The following RPS6KA5 variants were observed in gnomAD, a reference collection of about 807,000 sequenced individuals.
RPS6KA5 encodes ribosomal protein S6 kinase alpha-5.
A neutral mutation model predicts 85.5 loss-of-function variants in RPS6KA5; 27 were observed. The ratio of observed to expected loss-of-function variants is 0.32; its 90% confidence interval spans 0.23 to 0.44. RPS6KA5 has a LOEUF of 0.44. Among genes scored for constraint, RPS6KA5 ranks in the 20% least tolerant of loss-of-function variants. RPS6KA5 has a pLI of 1.00. For missense variants in RPS6KA5, 811 were observed against 980.9 expected, an observed-to-expected ratio of 0.83 and a Z score of 2.31; for synonymous variants, 334 against 348.2, an observed-to-expected ratio of 0.96 and a Z score of 0.46.
Position 91,040,948 on chromosome 14 carries a change from C to T in RPS6KA5, c.103+19384G>A, listed in dbSNP as rs141581237. On this transcript the variant is annotated intron_variant, in intron 1 of 16. Coordinates refer to ENST00000614987, the MANE Select transcript of RPS6KA5 (RefSeq NM_004755.4). ...TTGAGATGGAAGCTTGATCTTCCAG[C>T]AGATCCAGTGAATGGGGCATAAAGA... is the stretch of plus-strand genomic sequence containing the variant. Among the ~76,000 whole-genome samples, 194 of 152,280 alleles carry T rather than the reference C, an allele frequency of 1.3e-3. 1 individual carries two copies. Among genetic ancestry groups the T allele is most frequent in the Non-Finnish European group, 2.0e-3 (139 of 68,024 alleles).
chr14:90,862,930 AG>A lies in RPS6KA5; in HGVS notation c.*9143del, dbSNP rs1274817240. 1 of 152,098 alleles carries A rather than the reference AG, an allele frequency of 6.6e-6. No homozygotes were observed. The highest frequency in any genetic ancestry group is 2.4e-5 in the African/African-American group (1 of 41,352). 9.4% of individuals were successfully genotyped at this position (152,098 alleles called of 1,614,324 possible). A position where few individuals can be genotyped will look rare whatever the true frequency, so the allele number is the denominator to read the frequency against. On this transcript the variant is annotated 3_prime_UTR_variant, in exon 17 of 17. Coordinates refer to ENST00000614987, the MANE Select transcript of RPS6KA5 (RefSeq NM_004755.4). ...AATACAAGATTATCTCAACAGAGGC[AG>A]AAAAAGCATTTAGTAAAAACTCTCT...
At chr14:90,904,044 A>G (rs916913826) in intron 8 of RPS6KA5, among the ~76,000 whole-genome samples, 10 of 151,330 alleles carry the variant, frequency 6.6e-5, no homozygotes, top group African/African-American at 1.2e-4. Context: ...CCACCTCCTG[A>G]GTTCACGCCA....
intron 1 of RPS6KA5, among the ~76,000 whole-genome samples, chr14:91,043,320 C>G (rs1322251410): frequency 1.3e-5 from 2 of 152,138 alleles, no homozygotes; most frequent in African/African-American, 4.8e-5. Flanking sequence ...AACCTACTAC[C>G]TTGGCTTTAA....
intron 5 of RPS6KA5, among the ~76,000 whole-genome samples, chr14:90,930,556 A>T (rs1322654764): frequency 6.6e-6 from 1 of 152,200 alleles, no homozygotes; most frequent in African/African-American, 2.4e-5. Context: ...TATCAAATTT[A>T]AAAACTTCTG....
intron 2 of RPS6KA5, among the ~76,000 whole-genome samples, chr14:90,996,773 T>C (rs1595434555): frequency 2.0e-5 from 3 of 152,278 alleles, no homozygotes; most frequent in Admixed American, 6.5e-5. Flanking sequence ...CAGGTAAACA[T>C]TGCAAATAAG....
At chr14:90,905,519 G>A (rs1267435211) in intron 8 of RPS6KA5, among the ~76,000 whole-genome samples, 2 of 152,116 alleles carry the variant, frequency 1.3e-5, no homozygotes, top group Non-Finnish European at 2.9e-5. Context: ...TTTCTCAGTT[G>A]TTTAATATTT....
intron 3 of RPS6KA5, among the ~76,000 whole-genome samples, chr14:90,957,598 G>A (rs552600878): frequency 5.3e-5 from 8 of 152,114 alleles, no homozygotes; most frequent in South Asian, 2.1e-4. Context: ...CTGGCTGGTC[G>A]CTATTTTGTT....
At chr14:90,976,457 G>A (rs889647028) in intron 3 of RPS6KA5, among the ~76,000 whole-genome samples, 3 of 152,034 alleles carry the variant, frequency 2.0e-5, no homozygotes, top group Non-Finnish European at 4.4e-5. Context: ...GGTAGGGCTT[G>A]GTACCCTTAG....
At chr14:90,891,089 A>C (rs1424595558) in intron 13 of RPS6KA5, among the ~76,000 whole-genome samples, 1 of 151,786 alleles carries the variant, frequency 6.6e-6, no homozygotes. Flanking sequence ...CCTTTCTGGC[A>C]CTTACCACCT....
At chr14:91,058,156 C>A (rs920463235) in intron 1 of RPS6KA5, among the ~76,000 whole-genome samples, 4 of 152,192 alleles carry the variant, frequency 2.6e-5, no homozygotes, top group African/African-American at 9.7e-5. Flanking sequence ...GCAACTCTTT[C>A]AAGTTATATT....
chr14:91,045,485 A>C (rs934989198), intron 1 of RPS6KA5, among the ~76,000 whole-genome samples: 4 of 152,116 alleles, frequency 2.6e-5, no homozygotes, highest in African/African-American at 9.7e-5. Flanking sequence ...GCTGGTCTCG[A>C]ATCTCTGACC....
chr14:90,933,694 C>A (rs2037111488), intron 5 of RPS6KA5, among the ~76,000 whole-genome samples: 1 of 152,160 alleles, frequency 6.6e-6, no homozygotes, highest in Admixed American at 6.5e-5. Context: ...TCCCCAGTGG[C>A]TCCCCATTTT....
chr14:90,924,793 A>G (rs2036575347), intron 5 of RPS6KA5, among the ~76,000 whole-genome samples: 1 of 152,242 alleles, frequency 6.6e-6, no homozygotes, highest in South Asian at 2.1e-4. Context: ...ATAACACTGG[A>G]TATAAAGCTG....
intron 14 of RPS6KA5, among the ~76,000 whole-genome samples, chr14:90,876,248 C>T (rs1446234601): frequency 6.6e-6 from 1 of 152,152 alleles, no homozygotes; most frequent in Non-Finnish European, 1.5e-5. Context: ...AGAGAGATAG[C>T]AGAACTCCTG....
chr14:90,976,640 C>T (rs1570256), intron 3 of RPS6KA5, among the ~76,000 whole-genome samples: 3 of 151,812 alleles, frequency 2.0e-5, no homozygotes, highest in Non-Finnish European at 4.4e-5. Flanking sequence ...ACATATATAT[C>T]AAAAAAATCA....
intron 3 of RPS6KA5, among the ~76,000 whole-genome samples, chr14:90,953,699 C>G (rs1252034461): frequency 6.6e-6 from 1 of 152,144 alleles, no homozygotes; most frequent in Admixed American, 6.5e-5. Flanking sequence ...TAAATGGCCA[C>G]TCTGGGAGTG....
intron 3 of RPS6KA5, among the ~76,000 whole-genome samples, chr14:90,962,479 G>A (rs1438547007): frequency 6.6e-6 from 1 of 151,972 alleles, no homozygotes; most frequent in Non-Finnish European, 1.5e-5. Context: ...TAGAGACAGG[G>A]TTTCGCCATG....
chr14:91,042,562 T>C (rs1242050673), intron 1 of RPS6KA5, among the ~76,000 whole-genome samples: 1 of 152,114 alleles, frequency 6.6e-6, no homozygotes, highest in African/African-American at 2.4e-5. Flanking sequence ...AAAACAATGA[T>C]GCTATTTTTC....
intron 4 of RPS6KA5, among the ~76,000 whole-genome samples, chr14:90,944,820 G>C (rs2037782623): frequency 6.6e-6 from 1 of 152,068 alleles, no homozygotes; most frequent in Admixed American, 6.5e-5. Context: ...TCGGGAAGCT[G>C]AGGCAGGAGG....
Sources: gnomAD v4.1 joint callset for allele counts (sites outside exome capture counted in the v4.1 genomes callset) on GRCh38, gnomAD v4.1.1 for gene constraint, MANE v1.5 for transcripts, NCBI Gene and HGNC (gene_info 2026-07-23, HGNC 2026-07-21) for gene names.